Variants in DOCK2 observed in about 807,000 individuals in gnomAD.
DOCK2 encodes dedicator of cytokinesis protein 2.
DOCK2 carries 87 observed loss-of-function variants against 248.9 expected under a neutral mutation model. The observed-to-expected ratio is 0.35, with a 90% CI of 0.29 to 0.42. DOCK2 has a LOEUF of 0.42. DOCK2 is among the 10% of genes least tolerant of loss of function. DOCK2 has a pLI of 1.00. For synonymous variants in DOCK2, 805 were observed against 821.6 expected (o/e 0.98, Z 0.35); for missense variants, 1,747 against 2,300.2 (o/e 0.76, Z 4.92).
intron 26 of DOCK2, among the ~76,000 whole-genome samples, chr5:169,825,297 G>T (rs1768771536): frequency 6.6e-6 from 1 of 152,094 alleles, no homozygotes; most frequent in Non-Finnish European, 1.5e-5. Context: ...TATAAATCAT[G>T]CTGCTATAAA....
At chr5:169,898,919 G>A (rs1279960279) in intron 27 of DOCK2, among the ~76,000 whole-genome samples, 1 of 152,190 alleles carries the variant, frequency 6.6e-6, no homozygotes, top group African/African-American at 2.4e-5. Context: ...AGACTAAAGT[G>A]AAGAAGCAAA....
chr5:169,992,441 A>G (rs1217879129), intron 29 of DOCK2, among the ~76,000 whole-genome samples: 1 of 152,248 alleles, frequency 6.6e-6, no homozygotes, highest in Non-Finnish European at 1.5e-5. Context: ...CCACTTTACC[A>G]TATGAGTGCT....
At chr5:169,859,861 G>A (rs904458592) in intron 27 of DOCK2, among the ~76,000 whole-genome samples, 15 of 151,976 alleles carry the variant, frequency 9.9e-5, no homozygotes, top group Admixed American at 2.6e-4. Flanking sequence ...TTTAATTCCC[G>A]GAGTGCTGTG....
intron 22 of DOCK2, among the ~76,000 whole-genome samples, chr5:169,731,041 A>AT (rs968523344): frequency 1.3e-5 from 2 of 151,854 alleles, no homozygotes; most frequent in Non-Finnish European, 2.9e-5. Context: ...TAATTTTTAA[A>AT]TTTTTTTGTG....
intron 22 of DOCK2, among the ~76,000 whole-genome samples, chr5:169,724,220 G>A (rs1762352785): frequency 6.6e-6 from 1 of 152,142 alleles, no homozygotes; most frequent in Non-Finnish European, 1.5e-5. Context: ...GAGGCACATG[G>A]CTCCTTGGGT....
At chr5:169,701,299 A>G (rs1248949919) in intron 13 of DOCK2, among the ~76,000 whole-genome samples, 3 of 152,218 alleles carry the variant, frequency 2.0e-5, no homozygotes, top group African/African-American at 7.2e-5. Flanking sequence ...GTCTTTTGAC[A>G]ATGGTAATAC....
At chr5:169,872,323 T>A (rs1772031058) in intron 27 of DOCK2, among the ~76,000 whole-genome samples, 1 of 152,260 alleles carries the variant, frequency 6.6e-6, no homozygotes, top group African/African-American at 2.4e-5. Context: ...TTGGAAGGCA[T>A]CTCTGGGGAA....
chr5:169,789,523 T>C (rs778204857), intron 25 of DOCK2, among the ~76,000 whole-genome samples: 10 of 152,258 alleles, frequency 6.6e-5, no homozygotes, highest in Non-Finnish European at 1.3e-4. Flanking sequence ...GTCATCTGTT[T>C]GCACAGAGAG....
rs577159511 is a variant in DOCK2 at position 169,720,465 on chromosome 5, T to C, written c.2267+1674T>C. On this transcript the variant is annotated intron_variant, in intron 22 of 51. Coordinates refer to ENST00000520908, the MANE Select transcript of DOCK2 (RefSeq NM_004946.3). ...TTTTCCATCCCTTCCTCCCTCCCTT[T>C]CTTCCTTCCTTCCTTCCATTTTTTC... Among the ~76,000 whole-genome samples, 13 of 152,026 alleles carry C rather than the reference T, an allele frequency of 8.6e-5. No homozygotes were observed. The South Asian group carries it at 2.1e-3, about 24-fold the overall frequency.
At chr5:169,664,232 C>T (rs1758599353) in intron 2 of DOCK2, among the ~76,000 whole-genome samples, 1 of 152,166 alleles carries the variant, frequency 6.6e-6, no homozygotes, top group African/African-American at 2.4e-5. Context: ...ACCTTTGCTC[C>T]AGTTCCTAAG....
intron 44 of DOCK2, among the ~76,000 whole-genome samples, chr5:170,062,206 T>C (rs371530537): frequency 6.6e-6 from 1 of 151,966 alleles, no homozygotes; most frequent in East Asian, 1.9e-4. Context: ...TCAGTCATCT[T>C]CAGAAACATC....
intron 26 of DOCK2, among the ~76,000 whole-genome samples, chr5:169,806,502 G>C (rs1767371192): frequency 6.6e-6 from 1 of 151,946 alleles, no homozygotes; most frequent in Non-Finnish European, 1.5e-5. Context: ...TGGGTCCCCG[G>C]TGAAACCCCA....
At chr5:169,691,551 CAGAA>C (rs1760303449) in intron 9 of DOCK2, among the ~76,000 whole-genome samples, 1 of 152,162 alleles carries the variant, frequency 6.6e-6, no homozygotes, top group Non-Finnish European at 1.5e-5. Flanking sequence ...AGAGCAATGT[CAGAA>C]AGCAATCCAA....
At chr5:169,822,847 G>C (rs1017379192) in intron 26 of DOCK2, among the ~76,000 whole-genome samples, 5 of 152,088 alleles carry the variant, frequency 3.3e-5, no homozygotes, top group Non-Finnish European at 5.9e-5. Flanking sequence ...TTTTTGAAAA[G>C]ATCAACAAAA....
chr5:169,900,443 G>A (rs1773857665), intron 27 of DOCK2, among the ~76,000 whole-genome samples: 2 of 152,198 alleles, frequency 1.3e-5, no homozygotes, highest in Admixed American at 1.3e-4. Context: ...GCGAGATAGT[G>A]GCAAATGTCA....
In DOCK2 at chr5:169,763,566, C is replaced by T. The variant is rs1764601734; in HGVS notation, c.2554+1941C>T. On this transcript the variant is annotated intron_variant, in intron 25 of 51. Coordinates refer to ENST00000520908, the MANE Select transcript of DOCK2 (RefSeq NM_004946.3). This position sits in a 1 kb window ranked among gnomAD's most constrained non-coding sequence, Gnocchi z 4.1. ...CTTGGAAGTCGGAGTAATTCCTTGA[C>T]TGCAGCCACATCTCCAGGGCTGGGA... Among the ~76,000 whole-genome samples the T allele has an allele frequency of 6.6e-6, 1 of 152,194 alleles. No individual in the cohort carries two copies. Among genetic ancestry groups the T allele is most frequent in the South Asian group, 2.1e-4 (1 of 4,830 alleles).
Position 170,081,829 on chromosome 5 carries a change from G to A in DOCK2, c.5288-13G>A. On this transcript the variant is annotated splice_polypyrimidine_tract_variant and intron_variant, in intron 50 of 51. Coordinates refer to ENST00000520908, the MANE Select transcript of DOCK2 (RefSeq NM_004946.3). ...ACCCACCCATTCACACCCCAGCTCT[G>A]CTCTCCTTCCAGCCCTGGCGCTCTC... The A allele has an allele frequency of 6.2e-7, 1 of 1,604,064 alleles. No individual in the cohort carries two copies. The highest frequency in any genetic ancestry group is 1.1e-5 in the South Asian group (1 of 90,304).
At chr5:169,824,402 AT>A (rs1471494185) in intron 26 of DOCK2, among the ~76,000 whole-genome samples, 1 of 152,256 alleles carries the variant, frequency 6.6e-6, no homozygotes, top group African/African-American at 2.4e-5. Context: ...CCAAAACAGC[AT>A]GGTACTGATA....
chr5:169,870,106 G>A (rs1016779730), intron 27 of DOCK2, among the ~76,000 whole-genome samples: 1 of 152,136 alleles, frequency 6.6e-6, no homozygotes, highest in African/African-American at 2.4e-5. Context: ...TGTGGTTTAG[G>A]GATGCTCAGT....
Sources: gnomAD v4.1 joint callset for allele counts (sites outside exome capture counted in the v4.1 genomes callset) on GRCh38, gnomAD v4.1.1 for gene constraint, Gnocchi (gnomAD v3.1) non-coding constraint, MANE v1.5 for transcripts, NCBI Gene and HGNC (gene_info 2026-07-23, HGNC 2026-07-21) for gene names.